ARHGAP32: variants seen among roughly 807,000 people sequenced by gnomAD.
ARHGAP32 encodes rho GTPase-activating protein 32.
A neutral mutation model predicts 186.5 loss-of-function variants in ARHGAP32; 51 were observed. The observed-to-expected ratio is 0.27, with a 90% CI of 0.22 to 0.35. The LOEUF (loss-of-function observed/expected upper bound fraction) is 0.35, where lower values mean the gene tolerates loss of function less well. Ranked by LOEUF, ARHGAP32 falls within the 10% of genes least tolerant of loss-of-function variation. The pLI, the probability that ARHGAP32 is intolerant of heterozygous loss-of-function variation, is 1.00. For missense variants in ARHGAP32, 2,186 were observed against 2,623.5 expected (o/e 0.83, Z 3.64); for synonymous variants, 950 against 964.3 (o/e 0.99, Z 0.27).
intron 1 of ARHGAP32, among the ~76,000 whole-genome samples, chr11:129,182,984 A>C (rs1041738894): frequency 2.0e-5 from 3 of 152,038 alleles, no homozygotes; most frequent in African/African-American, 7.2e-5. Context: ...AGTACATTTA[A>C]ATCTTTGATC....
intron 1 of ARHGAP32, among the ~76,000 whole-genome samples, chr11:129,206,566 C>CAT (rs1468323437): frequency 6.6e-6 from 1 of 152,058 alleles, no homozygotes; most frequent in Non-Finnish European, 1.5e-5. Context: ...AAAGTCCACA[C>CAT]ATGATATTTT....
intron 2 of ARHGAP32, among the ~76,000 whole-genome samples, chr11:129,136,832 G>A (rs1942945857): frequency 6.6e-6 from 1 of 152,040 alleles, no homozygotes; most frequent in Admixed American, 6.5e-5. Flanking sequence ...TTCTGGTGCA[G>A]AGTAGTAGAT....
chr11:129,225,152 C>T (rs531118654), intron 1 of ARHGAP32, among the ~76,000 whole-genome samples: 2 of 151,968 alleles, frequency 1.3e-5, no homozygotes, highest in South Asian at 4.2e-4. Flanking sequence ...GTTGTGGCTG[C>T]CTGAAATGGT....
chr11:129,082,825 TCAGA>T (rs1255199628), intron 6 of ARHGAP32, among the ~76,000 whole-genome samples: 2 of 151,966 alleles, frequency 1.3e-5, no homozygotes, highest in African/African-American at 4.8e-5. Flanking sequence ...AAACTATGCA[TCAGA>T]CAAAGGACTG....
At position 129,123,939 on chromosome 11, in the gene ARHGAP32, G is replaced by A; in HGVS notation, c.318-10C>T. ...TCCTGGAGTGGTGGACCTGAACGCA[G>A]AATGAACATTTTTATCCTTGTCTTT... On this transcript the variant is annotated splice_polypyrimidine_tract_variant and intron_variant, in intron 3 of 22. Coordinates refer to ENST00000682385, the MANE Select transcript of ARHGAP32 (RefSeq NM_001378024.1). This position sits in a 1 kb window ranked among gnomAD's most constrained non-coding sequence, Gnocchi z 4.6. 1 of 1,289,320 alleles carries A rather than the reference G, an allele frequency of 7.8e-7. No individual in the cohort carries two copies. The highest frequency in any genetic ancestry group is 1.0e-6 in the Non-Finnish European group (1 of 988,908). 79.9% of individuals were successfully genotyped at this position (1,289,320 alleles called of 1,614,324 possible).
At chr11:128,980,360 A>C (rs953286900) in intron 18 of ARHGAP32, 193 bp downstream of exon 18, 1 of 446,836 alleles carries the variant, frequency 2.2e-6, no homozygotes. Context: ...ATGACATTGT[A>C]AAGCAAGAAT....
At chr11:129,006,068 T>C (rs1937751052) in intron 11 of ARHGAP32, among the ~76,000 whole-genome samples, 1 of 152,202 alleles carries the variant, frequency 6.6e-6, no homozygotes, top group Non-Finnish European at 1.5e-5. Context: ...CCAGAACTTT[T>C]GCTAGAGTCT....
intron 1 of ARHGAP32, among the ~76,000 whole-genome samples, chr11:129,256,526 T>C (rs1275002649): frequency 6.6e-6 from 1 of 152,140 alleles, no homozygotes; most frequent in African/African-American, 2.4e-5. Flanking sequence ...CAGTGAGAAA[T>C]GCTACAGGCT....
chr11:128,993,222 TA>T (rs1041167438), intron 12 of ARHGAP32: 3 of 152,148 alleles, frequency 2.0e-5, no homozygotes, highest in Non-Finnish European at 2.9e-5. Context: ...AAACAAAATT[TA>T]AAAAAAATTT....
At chr11:129,133,373 A>T (rs915385724) in intron 2 of ARHGAP32, among the ~76,000 whole-genome samples, 2 of 152,204 alleles carry the variant, frequency 1.3e-5, no homozygotes, top group African/African-American at 2.4e-5. Flanking sequence ...TTCTGAAAAC[A>T]ATACAAATTT....
At chr11:129,196,773 T>C (rs1246736102), upstream of ARHGAP32, among the ~76,000 whole-genome samples, 1 of 152,124 alleles carries the variant, frequency 6.6e-6, no homozygotes, top group African/African-American at 2.4e-5. Context: ...AAAATACTTT[T>C]CAGGCCAGGA....
chr11:129,215,690 G>T (rs1373313909), intron 1 of ARHGAP32, among the ~76,000 whole-genome samples: 1 of 152,018 alleles, frequency 6.6e-6, no homozygotes, highest in Non-Finnish European at 1.5e-5. Context: ...GAGAATCCGT[G>T]TGATTACCTT....
intron 6 of ARHGAP32, among the ~76,000 whole-genome samples, chr11:129,071,561 T>C (rs541886686): frequency 2.0e-5 from 3 of 152,030 alleles, no homozygotes; most frequent in Admixed American, 6.6e-5. Context: ...AAAGATGGTG[T>C]CGGCAAAGCT....
At chr11:129,023,793 T>A (rs1938705243) in intron 11 of ARHGAP32, 1 of 679,644 alleles carries the variant, frequency 1.5e-6, no homozygotes, top group Admixed American at 6.3e-5. Context: ...CTAAACATAG[T>A]TTCAGTGAAA....
At chr11:129,132,894 AC>A (rs1273559735) in intron 2 of ARHGAP32, among the ~76,000 whole-genome samples, 1 of 152,198 alleles carries the variant, frequency 6.6e-6, no homozygotes, top group Non-Finnish European at 1.5e-5. Flanking sequence ...ACTATAAAAA[AC>A]CCAAATATAA....
chr11:129,216,469 G>A (rs1198298716), intron 1 of ARHGAP32, among the ~76,000 whole-genome samples: 1 of 151,702 alleles, frequency 6.6e-6, no homozygotes, highest in East Asian at 1.9e-4. Context: ...ATTACTTGAG[G>A]TTAGGAGTTC....
chr11:129,055,041 T>C (rs1940194327), intron 10 of ARHGAP32, among the ~76,000 whole-genome samples: 1 of 152,228 alleles, frequency 6.6e-6, no homozygotes, highest in African/African-American at 2.4e-5. Context: ...TCTTAGATCC[T>C]ACCCCACAAC....
chr11:129,226,116 A>G (rs755308112), intron 1 of ARHGAP32, among the ~76,000 whole-genome samples: 7 of 152,154 alleles, frequency 4.6e-5, no homozygotes, highest in Non-Finnish European at 8.8e-5. Context: ...CAGAAAGAAA[A>G]CAAAATGAAG....
At chr11:129,057,652 A>AT (rs1940306764) in intron 10 of ARHGAP32, among the ~76,000 whole-genome samples, 1 of 151,012 alleles carries the variant, frequency 6.6e-6, no homozygotes, top group South Asian at 2.1e-4. Flanking sequence ...TGCCCTCCAT[A>AT]TATGAGGGTT....
Sources: allele counts gnomAD v4.1 joint callset (sites outside exome capture counted in the v4.1 genomes callset), GRCh38; gene constraint gnomAD v4.1.1; non-coding constraint Gnocchi (gnomAD v3.1); transcripts MANE v1.5; gene names NCBI Gene and HGNC (gene_info 2026-07-23, HGNC 2026-07-21).